The following VAPA variants were observed in gnomAD, a reference collection of about 807,000 sequenced individuals.
VAPA encodes vesicle-associated membrane protein-associated protein A.
Under a neutral mutation model 25.6 loss-of-function variants are expected in VAPA, and 6 were observed. The observed-to-expected ratio is 0.23, with a 90% confidence interval of 0.13 to 0.46. The LOEUF (loss-of-function observed/expected upper bound fraction) is 0.46, where lower values mean the gene tolerates loss of function less well. Among genes scored for constraint, VAPA ranks in the 20% least tolerant of loss-of-function variants. VAPA has a pLI of 0.99. For missense variants in VAPA, 244 were observed against 302.1 expected (o/e 0.81, Z 1.43); for synonymous variants, 112 against 106.2 (o/e 1.05, Z -0.34).
At chr18:9,924,150 A>G (rs929370444) in intron 1 of VAPA, 9 of 151,980 alleles carry the variant, frequency 5.9e-5, no homozygotes, top group Non-Finnish European at 1.0e-4. Context: ...TTTTCATGTT[A>G]TATTTTCCCC....
chr18:9,946,046 G>C (rs543497684), intron 4 of VAPA, among the ~76,000 whole-genome samples: 1 of 152,188 alleles, frequency 6.6e-6, no homozygotes, highest in Non-Finnish European at 1.5e-5. Context: ...TCTTCCCAAG[G>C]CTTCTTTGCA....
chr18:9,945,642 G>C (rs147507999), intron 4 of VAPA, among the ~76,000 whole-genome samples: 10 of 152,144 alleles, frequency 6.6e-5, no homozygotes, highest in African/African-American at 9.6e-5. Context: ...GGGATTATAG[G>C]CGTGAGCCAC....
At chr18:9,918,101 A>G (rs1318122855) in intron 1 of VAPA, among the ~76,000 whole-genome samples, 2 of 152,138 alleles carry the variant, frequency 1.3e-5, no homozygotes, top group African/African-American at 4.8e-5. Context: ...TTCCCTGAGA[A>G]AGAAAAACCC....
chr18:9,916,167 G>C (rs887579694), intron 1 of VAPA, among the ~76,000 whole-genome samples: 20 of 152,150 alleles, frequency 1.3e-4, no homozygotes, highest in African/African-American at 4.8e-4. Context: ...TGTTGCTATA[G>C]TAAGGGAGTA....
chr18:9,916,305 C>T (rs1399562889), intron 1 of VAPA, among the ~76,000 whole-genome samples: 1 of 151,986 alleles, frequency 6.6e-6, no homozygotes, highest in Admixed American at 6.6e-5. Flanking sequence ...TTTTGTGTTG[C>T]CAGTAAAAAT....
intron 4 of VAPA, among the ~76,000 whole-genome samples, chr18:9,945,348 C>CTTTT (rs1364432086): frequency 1.2e-5 from 1 of 80,100 alleles, no homozygotes; most frequent in Non-Finnish European, 2.5e-5. Context: ...GGGGAATATA[C>CTTTT]TCTTTTTTTT....
chr18:9,926,095 G>T (rs549609479), intron 1 of VAPA, among the ~76,000 whole-genome samples: 1 of 152,208 alleles, frequency 6.6e-6, no homozygotes, highest in East Asian at 1.9e-4. Flanking sequence ...TCATGGACTT[G>T]TGAGGGTTAA....
At chr18:9,928,557 T>C (rs187125180) in intron 1 of VAPA, among the ~76,000 whole-genome samples, 1 of 152,298 alleles carries the variant, frequency 6.6e-6, no homozygotes, top group Non-Finnish European at 1.5e-5. Flanking sequence ...AAGCAGATTA[T>C]TGGTTTAATT....
Position 9,957,432 on chromosome 18 carries a change from A to G in VAPA, c.*3221A>G, listed in dbSNP as rs1394610699. ...TTCAGATTACACCACTTTGAAAACA[A>G]GTTTTAACAGTAGGGTAAAAATATA... On this transcript the variant is annotated 3_prime_UTR_variant, in exon 6 of 6. Transcript: ENST00000400000. 1.3e-5 allele frequency: 2 copies of G among 152,212 alleles called. No homozygotes were observed. The highest frequency in any genetic ancestry group is 2.9e-5 in the Non-Finnish European group (2 of 68,044). 9.4% of individuals were successfully genotyped at this position (152,212 alleles called of 1,614,324 possible).
In VAPA at chr18:9,936,210, T is replaced by C. The variant is rs1376027675; in HGVS notation, c.333T>C (p.Ala111=). 5 of 1,595,202 alleles carry C rather than the reference T, an allele frequency of 3.1e-6. No individual in the cohort carries two copies. Among genetic ancestry groups the C allele is most frequent in the Non-Finnish European group, 4.3e-6 (5 of 1,169,328 alleles). The part of the protein sequence containing the change: ...FAPPNTSDME[A]VWKEAKPDEL... ...CACCAAACACTTCAGATATGGAAGCTGTGGTAAGTATAGAAGAAGAATTTG... is the reference window on the plus strand; with the variant it reads ...CACCAAACACTTCAGATATGGAAGCCGTGGTAAGTATAGAAGAAGAATTTG... The change falls in exon 3 of 6, where the codon GCT becomes GCC. Residue 111 remains alanine (A), a synonymous_variant. Transcript: ENST00000400000.
At chr18:9,952,793 C>T (rs1463272606) in intron 5 of VAPA, among the ~76,000 whole-genome samples, 1 of 152,114 alleles carries the variant, frequency 6.6e-6, no homozygotes, top group Non-Finnish European at 1.5e-5. Context: ...CCTAATGAGT[C>T]ACAATCACAG....
intron 4 of VAPA, among the ~76,000 whole-genome samples, chr18:9,940,361 C>T (rs1047726137): frequency 9.9e-5 from 15 of 152,110 alleles, no homozygotes; most frequent in African/African-American, 3.4e-4. Flanking sequence ...GAAAGAAGCT[C>T]AGGGCCATTT....
chr18:9,945,252 C>G (rs34747292), intron 4 of VAPA, among the ~76,000 whole-genome samples: 1 of 150,940 alleles, frequency 6.6e-6, no homozygotes, highest in African/African-American at 2.4e-5. Context: ...TAAAAAACTT[C>G]TGAACTTAAC....
chr18:9,928,967 T>C (rs1240671264), intron 1 of VAPA, among the ~76,000 whole-genome samples: 1 of 152,156 alleles, frequency 6.6e-6, no homozygotes, highest in Admixed American at 6.5e-5. Flanking sequence ...TTAGGGCATA[T>C]AGGTAGATTC....
intron 1 of VAPA, among the ~76,000 whole-genome samples, chr18:9,930,098 T>G (rs552198652): frequency 6.6e-6 from 1 of 152,278 alleles, no homozygotes; most frequent in East Asian, 1.9e-4. Flanking sequence ...AAAATTATTT[T>G]ACCTTAGTTT....
chr18:9,943,841 C>CTTTTTTTTTTTTTTTTTTTTTTTTTTTT (rs71169911), intron 4 of VAPA, among the ~76,000 whole-genome samples: 4 of 51,716 alleles, frequency 7.7e-5, no homozygotes, highest in East Asian at 7.0e-4. Context: ...ACATATTTCC[C>CTTTTTTTTTTTTTTTTTTTTTTTTTTTT]TTTTTTTTTT....
rs1045006715 is a variant in VAPA, at chr18:9,914,062, T to G, written c.-195T>G. The G allele has an allele frequency of 9.8e-6, 5 of 510,284 alleles. No homozygotes were observed. The highest frequency in any genetic ancestry group is 2.1e-5 in the African/African-American group (1 of 48,376). 31.6% of individuals were successfully genotyped at this position (510,284 alleles called of 1,614,324 possible). On this transcript the variant is annotated 5_prime_UTR_variant, in exon 1 of 6. Coordinates refer to ENST00000400000, the MANE Select transcript of VAPA (RefSeq NM_194434.3). Reference sequence around the variant, plus strand: ...CCGTGGCGGCTGGTGTGGGGTTGAGTCAGTTGTGGGACCCGGAGCTGCTGA... The same window carrying G: ...CCGTGGCGGCTGGTGTGGGGTTGAGGCAGTTGTGGGACCCGGAGCTGCTGA...
In VAPA at chr18:9,957,199, T is replaced by G. The variant is rs766785353; in HGVS notation, c.*2988T>G. The G allele has an allele frequency of 1.3e-5, 2 of 151,986 alleles. No homozygotes were observed. Among genetic ancestry groups the G allele is most frequent in the Non-Finnish European group, 2.9e-5 (2 of 67,998 alleles). 9.4% of individuals were successfully genotyped at this position (151,986 alleles called of 1,614,324 possible). ...GGTGTGAGCCAACAAGCCCGGCTAATTTTTGTATTTTTAGTAGAGACAAGG... is the reference window on the plus strand; with the variant it reads ...GGTGTGAGCCAACAAGCCCGGCTAAGTTTTGTATTTTTAGTAGAGACAAGG... On this transcript the variant is annotated 3_prime_UTR_variant, in exon 6 of 6. Coordinates refer to ENST00000400000, the MANE Select transcript of VAPA (RefSeq NM_194434.3).
At chr18:9,940,110 G>A (rs1470723700) in intron 4 of VAPA, among the ~76,000 whole-genome samples, 1 of 152,164 alleles carries the variant, frequency 6.6e-6, no homozygotes, top group Non-Finnish European at 1.5e-5. Flanking sequence ...ATCCCACCTC[G>A]TGATGTACAG....
Sources: allele counts gnomAD v4.1 joint callset (sites outside exome capture counted in the v4.1 genomes callset), GRCh38; gene constraint gnomAD v4.1.1; transcripts MANE v1.5; gene names NCBI Gene and HGNC (gene_info 2026-07-23, HGNC 2026-07-21).